ANKRD11: variants seen among roughly 807,000 people sequenced by gnomAD.
The protein encoded by ANKRD11 is ankyrin repeat domain 11, also known as ankyrin repeat domain-containing protein 11.
ANKRD11 carries 17 observed loss-of-function variants against 195.7 expected under a neutral mutation model. The ratio of observed to expected loss-of-function variants is 0.09; its 90% CI spans 0.06 to 0.13. ANKRD11 has a LOEUF of 0.13. ANKRD11 is among the 10% of genes least tolerant of loss of function. The pLI is 1.00. For missense variants in ANKRD11, 3,735 were observed against 3,566.1 expected (o/e 1.05, Z -1.21); for synonymous variants, 1,953 against 1,528.1 (o/e 1.28, Z -6.49).
chr16:89,317,423 G>A (rs551224026), intron 2 of ANKRD11, among the ~76,000 whole-genome samples: 3 of 152,264 alleles, frequency 2.0e-5, no homozygotes, highest in East Asian at 3.9e-4. Context: ...CACCCAAAAC[G>A]GTCAGGCACC....
intron 1 of ANKRD11, among the ~76,000 whole-genome samples, chr16:89,440,343 C>T (rs2043394844): frequency 1.3e-5 from 2 of 152,158 alleles, no homozygotes; most frequent in African/African-American, 4.8e-5. Context: ...CGTGGTGGCT[C>T]AGGCCTGTAA....
At chr16:89,369,662 C>T (rs1402839571) in intron 2 of ANKRD11, among the ~76,000 whole-genome samples, 1 of 152,088 alleles carries the variant, frequency 6.6e-6, no homozygotes, top group Non-Finnish European at 1.5e-5. Context: ...TGTGGTGACG[C>T]AAGGGTTTTA....
At chr16:89,270,402 G>C (rs1234402101) in intron 12 of ANKRD11, 1 of 302,220 alleles carries the variant, frequency 3.3e-6, no homozygotes, top group African/African-American at 2.2e-5. Context: ...CCGGTGAGCA[G>C]CCCTCGCGAC....
chr16:89,379,690 A>C lies in ANKRD11; in HGVS notation c.-60+38594T>G, dbSNP rs147534401. 2.6e-3 allele frequency among the ~76,000 whole-genome samples: 401 copies of C among 152,330 alleles called. 4 individuals are homozygous for C. Among genetic ancestry groups the C allele is most frequent in the East Asian group, 0.013 (68 of 5,180 alleles). On this transcript the variant is annotated intron_variant, in intron 2 of 12. Coordinates refer to ENST00000301030, the MANE Select transcript of ANKRD11 (RefSeq NM_013275.6). Reference sequence around the variant, plus strand: ...TGACTGGGACGCGAGCGCCCCAAGCAGCACGGAAGAGCTCCGTGCAGTGCA... The same window carrying C: ...TGACTGGGACGCGAGCGCCCCAAGCCGCACGGAAGAGCTCCGTGCAGTGCA...
chr16:89,309,290 C>A (rs2036477797), intron 3 of ANKRD11, among the ~76,000 whole-genome samples: 1 of 152,208 alleles, frequency 6.6e-6, no homozygotes, highest in African/African-American at 2.4e-5. Context: ...AAGTCAGACA[C>A]TGTGGAGCAA....
intron 3 of ANKRD11, among the ~76,000 whole-genome samples, 195 bp from the exon 4 acceptor site, chr16:89,305,539 GGCTC>G: frequency 6.6e-6 from 1 of 152,056 alleles, no homozygotes; most frequent in Non-Finnish European, 1.5e-5. Context: ...GTCGGGCTGT[GGCTC>G]AGCCCTGACT....
At chr16:89,458,950 A>G (rs1014729714) in intron 1 of ANKRD11, 1 of 152,372 alleles carries the variant, frequency 6.6e-6, no homozygotes, top group Non-Finnish European at 1.5e-5. Context: ...CCCTGGTCAC[A>G]TACACCTGTC....
chr16:89,446,695 G>A (rs190066911), intron 1 of ANKRD11, among the ~76,000 whole-genome samples: 7 of 152,226 alleles, frequency 4.6e-5, no homozygotes, highest in Non-Finnish European at 1.0e-4. Flanking sequence ...GATCCTTGTG[G>A]CAGGACCCTG....
At chr16:89,329,091 A>T (rs2037910785) in intron 2 of ANKRD11, 1 of 153,094 alleles carries the variant, frequency 6.5e-6, no homozygotes, top group Admixed American at 6.5e-5. Context: ...GAGTGAGTGC[A>T]CAAAGCCCAC....
intron 11 of ANKRD11, chr16:89,271,915 G>A (rs749781133): frequency 6.6e-6 from 1 of 152,072 alleles, no homozygotes; most frequent in African/African-American, 2.4e-5. Flanking sequence ...AAGTTCAAAA[G>A]CTTCTGTCCA....
chr16:89,332,341 A>G (rs1384985523), intron 2 of ANKRD11, among the ~76,000 whole-genome samples: 1 of 152,192 alleles, frequency 6.6e-6, no homozygotes, highest in African/African-American at 2.4e-5. Context: ...GGATGGCCCA[A>G]GCACCTCTGG....
At chr16:89,322,736 G>A (rs1330718150) in intron 2 of ANKRD11, among the ~76,000 whole-genome samples, 2 of 152,268 alleles carry the variant, frequency 1.3e-5, no homozygotes, top group Admixed American at 6.5e-5. Flanking sequence ...GTGGCACCAG[G>A]GGCTTGCTCC....
At chr16:89,277,715 C>T (rs1204821729) in intron 9 of ANKRD11, 1 of 152,276 alleles carries the variant, frequency 6.6e-6, no homozygotes, top group Non-Finnish European at 1.5e-5. Context: ...CAGTGCCCCT[C>T]GTGCTCCCTG....
intron 2 of ANKRD11, among the ~76,000 whole-genome samples, chr16:89,399,136 G>A (rs1415846522): frequency 1.3e-5 from 2 of 152,200 alleles, no homozygotes; most frequent in Non-Finnish European, 2.9e-5. Context: ...CACGGAGCAG[G>A]AGCATGATGA....
chr16:89,285,254 C>T lies in ANKRD11; in HGVS notation c.1288G>A (p.Ala430Thr). Residue 430 changes from alanine to threonine, a missense_variant, in exon 9 of 13, where the codon GCA (alanine) becomes ACA (threonine). Physicochemically the swap from Ala to Thr is moderately conservative, Grantham distance 58 (BLOSUM62 0). Coordinates refer to ENST00000301030, the MANE Select transcript of ANKRD11 (RefSeq NM_013275.6). The surrounding 1 kb of genome is among the most constrained non-coding windows in gnomAD (Gnocchi z 5.6). ...TTACTACCAGGCAATATCGTATGTG[C>T]CGAGAGTCTCAGCTTCTCTCCTGTC... ...VGTGEKLRLS[A>T]HTILPGSKTR... 1 of 1,613,706 alleles carries T rather than the reference C, an allele frequency of 6.2e-7. No individual in the cohort carries two copies. Among genetic ancestry groups the T allele is most frequent in the Non-Finnish European group, 8.5e-7 (1 of 1,180,004 alleles).
chr16:89,345,918 T>C (rs1476122234), intron 2 of ANKRD11, among the ~76,000 whole-genome samples: 1 of 152,134 alleles, frequency 6.6e-6, no homozygotes, highest in African/African-American at 2.4e-5. Flanking sequence ...CCGACATTTA[T>C]GCAAATAAAA....
At chr16:89,334,084 G>C (rs1351436395) in intron 2 of ANKRD11, among the ~76,000 whole-genome samples, 1 of 148,584 alleles carries the variant, frequency 6.7e-6, no homozygotes, top group Non-Finnish European at 1.5e-5. Context: ...GGCTGAGGTG[G>C]GTGGATCACT....
rs947680346 is a variant in ANKRD11 at position 89,291,631 on chromosome 16, C to T, written c.227-448G>A. On this transcript the variant is annotated intron_variant, in intron 4 of 12. Transcript: ENST00000301030. This position sits in a 1 kb window ranked among gnomAD's most constrained non-coding sequence, Gnocchi z 5.3. ...AACAGTGCAGATATAAAATGGCAGA[C>T]ACAGTTTAAAACACATCAGTAAATC... The T allele has an allele frequency of 1.6e-6, 2 of 1,251,894 alleles. No homozygotes were observed. The highest frequency in any genetic ancestry group is 2.1e-6 in the Non-Finnish European group (2 of 953,690). 77.5% of individuals were successfully genotyped at this position (1,251,894 alleles called of 1,614,324 possible).
At chr16:89,364,416 C>T (rs571045449) in intron 2 of ANKRD11, among the ~76,000 whole-genome samples, 68 of 152,358 alleles carry the variant, frequency 4.5e-4, no homozygotes, top group Non-Finnish European at 9.1e-4. Flanking sequence ...ACATCCTACT[C>T]ACGGTAAGAA....
Sources: allele counts gnomAD v4.1 joint callset (sites outside exome capture counted in the v4.1 genomes callset), GRCh38; gene constraint gnomAD v4.1.1; non-coding constraint Gnocchi (gnomAD v3.1); transcripts MANE v1.5; gene names NCBI Gene and HGNC (gene_info 2026-07-23, HGNC 2026-07-21).